LIMCH1: variants seen among roughly 807,000 people sequenced by gnomAD.
The protein encoded by LIMCH1 is LIM and calponin homology domains 1, also known as LIM and calponin homology domains-containing protein 1.
In LIMCH1, 113 loss-of-function variants were observed where a neutral mutation model predicts 176.5. The observed-to-expected ratio is 0.64, with a 90% CI of 0.55 to 0.75. The LOEUF (loss-of-function observed/expected upper bound fraction) is 0.75, where lower values mean the gene tolerates loss of function less well. LIMCH1 is among the 30% of genes least tolerant of loss of function. LIMCH1 has a pLI of 0.00. For missense variants in LIMCH1, 1,674 were observed against 1,814.9 expected (o/e 0.92, Z 1.41); for synonymous variants, 619 against 645.9 (o/e 0.96, Z 0.63).
intron 31 of LIMCH1, among the ~76,000 whole-genome samples, chr4:41,695,248 T>A (rs1465455729): frequency 1.3e-5 from 2 of 151,252 alleles, no homozygotes; most frequent in Non-Finnish European, 3.0e-5. Flanking sequence ...ATATGTTTCT[T>A]TTTTGGATTA....
chr4:41,465,207 C>A (rs2065942491), intron 1 of LIMCH1, among the ~76,000 whole-genome samples: 1 of 152,120 alleles, frequency 6.6e-6, no homozygotes, highest in South Asian at 2.1e-4. Context: ...ACTTTCTTCC[C>A]CCTGTGCTGC....
chr4:41,472,670 G>A (rs189152375), intron 1 of LIMCH1, among the ~76,000 whole-genome samples: 135 of 152,032 alleles, frequency 8.9e-4, no homozygotes, highest in African/African-American at 3.1e-3. Context: ...CGCCCACCTT[G>A]GCCTCCCAGA....
At chr4:41,414,579 A>C (rs1274802483) in intron 1 of LIMCH1, among the ~76,000 whole-genome samples, 1 of 152,126 alleles carries the variant, frequency 6.6e-6, no homozygotes, top group Non-Finnish European at 1.5e-5. Flanking sequence ...TTTTGTTATG[A>C]CCGTAAATTA....
At chr4:41,384,447 A>T (rs2154105762) in intron 1 of LIMCH1, among the ~76,000 whole-genome samples, 1 of 151,854 alleles carries the variant, frequency 6.6e-6, no homozygotes, top group South Asian at 2.1e-4. Context: ...TGACCTGGTG[A>T]TCCACCCGCC....
At chr4:41,681,854 C>T (rs16853458) in intron 25 of LIMCH1, among the ~76,000 whole-genome samples, 44,933 of 152,006 alleles carry the variant, frequency 0.3, 7,167 homozygotes, top group African/African-American at 0.41. Flanking sequence ...AATGAACTTA[C>T]GTAGAACAGC....
intron 1 of LIMCH1, among the ~76,000 whole-genome samples, chr4:41,544,471 TG>T (rs1561692749): frequency 6.6e-6 from 1 of 152,210 alleles, no homozygotes; most frequent in Non-Finnish European, 1.5e-5. Context: ...CAGTTGAGTC[TG>T]GGAGGCCTCT....
chr4:41,384,039 A>G (rs906997084), intron 1 of LIMCH1, among the ~76,000 whole-genome samples: 5 of 152,210 alleles, frequency 3.3e-5, no homozygotes, highest in African/African-American at 7.2e-5. Context: ...AGGAAGGCAA[A>G]TAATGAACTG....
At chr4:41,459,088 A>C (rs949840939) in intron 1 of LIMCH1, among the ~76,000 whole-genome samples, 5 of 152,160 alleles carry the variant, frequency 3.3e-5, no homozygotes, top group Admixed American at 3.3e-4. Context: ...GGCACTGTAC[A>C]AGTTATGATT....
intron 1 of LIMCH1, among the ~76,000 whole-genome samples, chr4:41,547,354 C>T (rs764437268): frequency 6.6e-6 from 1 of 152,078 alleles, no homozygotes; most frequent in African/African-American, 2.4e-5. Flanking sequence ...CCATTCTACT[C>T]TCTACCTCTA....
At chr4:41,497,076 T>TA (rs1047873086) in intron 2 of LIMCH1, among the ~76,000 whole-genome samples, 1 of 152,238 alleles carries the variant, frequency 6.6e-6, no homozygotes, top group African/African-American at 2.4e-5. Context: ...ATATAGGCTT[T>TA]AAAAAATTAT....
chr4:41,577,750 C>T (rs2084737761), intron 1 of LIMCH1, among the ~76,000 whole-genome samples: 1 of 152,114 alleles, frequency 6.6e-6, no homozygotes, highest in African/African-American at 2.4e-5. Flanking sequence ...TTTTTATACA[C>T]ATCTTTTTGA....
chr4:41,556,671 C>A (rs943573240), intron 1 of LIMCH1, among the ~76,000 whole-genome samples: 1 of 152,124 alleles, frequency 6.6e-6, no homozygotes. Context: ...TAAGCAGCAG[C>A]TGAGATGGGA....
intron 14 of LIMCH1, among the ~76,000 whole-genome samples, chr4:41,644,045 G>A (rs1428199146): frequency 1.3e-5 from 2 of 152,074 alleles, no homozygotes; most frequent in Non-Finnish European, 2.9e-5. Flanking sequence ...TCTACACAAA[G>A]AAGCATTTAA....
At chr4:41,375,415 A>G (rs751962983) in intron 1 of LIMCH1, among the ~76,000 whole-genome samples, 9 of 152,160 alleles carry the variant, frequency 5.9e-5, no homozygotes, top group Non-Finnish European at 1.3e-4. Flanking sequence ...ACTGTTGATT[A>G]AAAAAATAAA....
intron 1 of LIMCH1, among the ~76,000 whole-genome samples, chr4:41,574,567 G>T (rs2084134087): frequency 6.6e-6 from 1 of 151,902 alleles, no homozygotes; most frequent in Admixed American, 6.6e-5. Flanking sequence ...GGGACTACAG[G>T]CATGAGCCAC....
At chr4:41,639,543 C>T (rs899865528) in intron 14 of LIMCH1, among the ~76,000 whole-genome samples, 2 of 152,116 alleles carry the variant, frequency 1.3e-5, no homozygotes, top group Non-Finnish European at 2.9e-5. Flanking sequence ...TGGCCCTTCC[C>T]CTCCCTGCTG....
intron 1 of LIMCH1, among the ~76,000 whole-genome samples, chr4:41,460,056 T>C (rs1446838283): frequency 1.3e-5 from 2 of 152,104 alleles, no homozygotes; most frequent in Non-Finnish European, 1.5e-5. Flanking sequence ...GAAATTTAAG[T>C]TCCCTTTGAT....
chr4:41,472,678 A>G (rs960916789), intron 1 of LIMCH1, among the ~76,000 whole-genome samples: 1 of 152,132 alleles, frequency 6.6e-6, no homozygotes, highest in Non-Finnish European at 1.5e-5. Flanking sequence ...TTGGCCTCCC[A>G]GAAACCCAGT....
upstream of LIMCH1, among the ~76,000 whole-genome samples, chr4:41,533,385 C>T (rs551909452): frequency 2.1e-4 from 32 of 152,234 alleles, no homozygotes; most frequent in South Asian, 6.4e-3. Flanking sequence ...CTGCTTGTCC[C>T]GATGAATGAA....
Sources: gnomAD v4.1 joint callset for allele counts (sites outside exome capture counted in the v4.1 genomes callset) on GRCh38, gnomAD v4.1.1 for gene constraint, MANE v1.5 for transcripts, NCBI Gene and HGNC (gene_info 2026-07-23, HGNC 2026-07-21) for gene names.